The following WWOX variants were observed in gnomAD, a reference collection of about 807,000 sequenced individuals.
WWOX encodes WW domain-containing oxidoreductase.
A neutral mutation model predicts 46.2 loss-of-function variants in WWOX; 69 were observed. The observed-to-expected ratio is 1.49, with a 90% CI of 1.23 to 1.82. WWOX has a LOEUF of 1.82. WWOX is among the 40% of genes most tolerant of loss of function. The pLI, the probability that WWOX is intolerant of heterozygous loss-of-function variation, is 0.00. For missense variants in WWOX, 919 were observed against 542.6 expected, an observed-to-expected ratio of 1.69 and a Z score of -6.89; for synonymous variants, 359 against 202.6, an observed-to-expected ratio of 1.77 and a Z score of -6.56.
chr16:78,745,791 A>G (rs557371233), intron 8 of WWOX, among the ~76,000 whole-genome samples: 1 of 148,016 alleles, frequency 6.8e-6, no homozygotes, highest in South Asian at 2.1e-4. Flanking sequence ...TAGTTCCAAG[A>G]CCAGAGTTGA....
In WWOX at chr16:78,257,524, C is replaced by T. The variant is rs186795528; in HGVS notation, c.516+93235C>T. On this transcript the variant is annotated intron_variant, in intron 5 of 8. Transcript: ENST00000566780. ...AAACAATATAAATCACCAGCAAAATCTCACTCCTACAAGGAGAACCTGCAG... is the reference window on the plus strand; with the variant it reads ...AAACAATATAAATCACCAGCAAAATTTCACTCCTACAAGGAGAACCTGCAG... Among the ~76,000 whole-genome samples the T allele has an allele frequency of 7.4e-4, 113 of 152,262 alleles. 1 individual carries two copies. In the East Asian group the frequency reaches 7.7e-3, roughly 10 times the overall value.
intron 8 of WWOX, among the ~76,000 whole-genome samples, chr16:78,738,299 G>A (rs1048595502): frequency 6.6e-6 from 1 of 152,074 alleles, no homozygotes; most frequent in Admixed American, 6.5e-5. Flanking sequence ...TTGTGTCTGG[G>A]TGAAACAGAG....
intron 8 of WWOX, among the ~76,000 whole-genome samples, chr16:79,144,919 G>A (rs991465055): frequency 1.2e-4 from 18 of 152,096 alleles, no homozygotes; most frequent in Admixed American, 9.2e-4. Flanking sequence ...TTTATTGTAG[G>A]TATGTATGTA....
intron 5 of WWOX, among the ~76,000 whole-genome samples, chr16:78,254,896 G>A (rs1007357453): frequency 6.6e-6 from 1 of 152,150 alleles, no homozygotes; most frequent in Non-Finnish European, 1.5e-5. Flanking sequence ...CCCAGTCAGG[G>A]TTGTTGAAAA....
intron 8 of WWOX, among the ~76,000 whole-genome samples, chr16:79,197,957 T>C (rs937378072): frequency 6.6e-6 from 1 of 152,166 alleles, no homozygotes; most frequent in Admixed American, 6.5e-5. Flanking sequence ...TCTGGGGCAG[T>C]TATAAATCTT....
chr16:78,993,644 G>A (rs1479909853), intron 8 of WWOX, among the ~76,000 whole-genome samples: 2 of 152,188 alleles, frequency 1.3e-5, no homozygotes, highest in Non-Finnish European at 2.9e-5. Context: ...TGAGCCCATG[G>A]CTGTCTCTTA....
chr16:78,448,508 A>G (rs1362919047), intron 8 of WWOX, among the ~76,000 whole-genome samples: 1 of 152,074 alleles, frequency 6.6e-6, no homozygotes, highest in Non-Finnish European at 1.5e-5. Flanking sequence ...TGGTGCCCCA[A>G]AAGAATGGGG....
intron 8 of WWOX, among the ~76,000 whole-genome samples, chr16:78,768,104 C>A (rs561014429): frequency 2.0e-5 from 3 of 150,994 alleles, no homozygotes; most frequent in African/African-American, 7.3e-5. Flanking sequence ...TGTGTTTTAC[C>A]GGGTAATTGT....
chr16:78,950,531 C>G (rs201212481), intron 8 of WWOX, among the ~76,000 whole-genome samples: 2 of 78,544 alleles, frequency 2.5e-5, no homozygotes, highest in African/African-American at 4.3e-5. Flanking sequence ...CACACACACA[C>G]ATACACACAC....
chr16:78,614,812 T>G (rs78814266), intron 8 of WWOX, among the ~76,000 whole-genome samples: 4 of 152,354 alleles, frequency 2.6e-5, no homozygotes, highest in Non-Finnish European at 5.9e-5. Context: ...TAAGTTAACT[T>G]CTGGAATGCA....
intron 8 of WWOX, among the ~76,000 whole-genome samples, chr16:78,606,145 C>T (rs1462426317): frequency 4.6e-5 from 7 of 152,264 alleles, no homozygotes; most frequent in Admixed American, 2.0e-4. Flanking sequence ...ATCATGGTTT[C>T]GTTAACACAG....
chr16:79,145,135 AAAACT>A (rs1023718655), intron 8 of WWOX, among the ~76,000 whole-genome samples: 1 of 152,186 alleles, frequency 6.6e-6, no homozygotes, highest in African/African-American at 2.4e-5. Context: ...ATTATTTACT[AAAACT>A]AATTAAATTT....
intron 8 of WWOX, among the ~76,000 whole-genome samples, chr16:79,126,369 G>A (rs534858884): frequency 4.6e-5 from 7 of 152,270 alleles, no homozygotes; most frequent in East Asian, 3.9e-4. Context: ...TAATCCCCAC[G>A]TGTCAAAGGA....
intron 8 of WWOX, among the ~76,000 whole-genome samples, chr16:78,872,483 G>C (rs926956196): frequency 3.3e-5 from 5 of 152,114 alleles, no homozygotes. Flanking sequence ...GGGGATAAAG[G>C]GGCTGTGGTG....
intron 8 of WWOX, among the ~76,000 whole-genome samples, chr16:79,021,914 C>T (rs1411563122): frequency 6.6e-6 from 1 of 152,204 alleles, no homozygotes; most frequent in Non-Finnish European, 1.5e-5. Flanking sequence ...GGACCAACAC[C>T]AGCAACTGTA....
intron 8 of WWOX, among the ~76,000 whole-genome samples, chr16:78,947,813 C>T (rs1238727802): frequency 1.3e-5 from 2 of 152,054 alleles, no homozygotes; most frequent in Admixed American, 6.6e-5. Context: ...TGCATAAAAG[C>T]CAAAATATGT....
In WWOX at chr16:79,056,554, T is replaced by C. The variant is rs574127636; in HGVS notation, c.1057-155054T>C. On this transcript the variant is annotated intron_variant, in intron 8 of 8. Coordinates refer to ENST00000566780, the MANE Select transcript of WWOX (RefSeq NM_016373.4). ...ACTGCCAACATGTGGGGTTGGATAA[T>C]TTTTTGTTGGGATCTGCCCTGTGCA... Among the ~76,000 whole-genome samples the C allele has an allele frequency of 4.5e-3, 678 of 152,276 alleles. 4 individuals are homozygous for C. The highest frequency in any genetic ancestry group is 0.024 in the Middle Eastern group (7 of 294).
At chr16:78,391,722 C>T (rs757251615) in intron 6 of WWOX, among the ~76,000 whole-genome samples, 30 of 152,032 alleles carry the variant, frequency 2.0e-4, no homozygotes, top group Non-Finnish European at 4.1e-4. Flanking sequence ...GTGATGCATA[C>T]CTGAAGTCCC....
chr16:78,733,421 C>T (rs760119444), intron 8 of WWOX, among the ~76,000 whole-genome samples: 1 of 152,066 alleles, frequency 6.6e-6, no homozygotes, highest in Non-Finnish European at 1.5e-5. Flanking sequence ...TACCACTGCA[C>T]TCCAGCCTAA....
Sources: allele counts gnomAD v4.1 joint callset (sites outside exome capture counted in the v4.1 genomes callset), GRCh38; gene constraint gnomAD v4.1.1; transcripts MANE v1.5; gene names NCBI Gene and HGNC (gene_info 2026-07-23, HGNC 2026-07-21).